The following GALNTL6 variants were observed in gnomAD, a reference collection of about 807,000 sequenced individuals.
The protein encoded by GALNTL6 is polypeptide N-acetylgalactosaminyltransferase-like 6.
In GALNTL6, 46 loss-of-function variants were observed where a neutral mutation model predicts 73.7. The ratio of observed to expected loss-of-function variants is 0.62; its 90% CI spans 0.49 to 0.80. The LOEUF is 0.80. Ranked by LOEUF, GALNTL6 falls within the 30% of genes least tolerant of loss-of-function variation. The pLI is 0.00. For synonymous variants in GALNTL6, 259 were observed against 263.7 expected (o/e 0.98, Z 0.17); for missense variants, 604 against 755.0 (o/e 0.80, Z 2.34).
chr4:172,397,128 A>T (rs1743877024), intron 5 of GALNTL6, among the ~76,000 whole-genome samples: 1 of 152,152 alleles, frequency 6.6e-6, no homozygotes. Flanking sequence ...GAGATAGTCT[A>T]TATGCTTGTG....
At chr4:172,010,390 G>A (rs1490823999) in intron 2 of GALNTL6, among the ~76,000 whole-genome samples, 1 of 152,064 alleles carries the variant, frequency 6.6e-6, no homozygotes, top group East Asian at 1.9e-4. Context: ...GAAAAACCAT[G>A]TTAGGTAATA....
At chr4:172,365,914 C>T (rs1177096623) in intron 5 of GALNTL6, among the ~76,000 whole-genome samples, 1 of 146,824 alleles carries the variant, frequency 6.8e-6, no homozygotes. Context: ...CAGACCCTGT[C>T]AAAAAAAAAA....
In GALNTL6 at chr4:172,689,614, G is replaced by C. The variant is rs543662298; in HGVS notation, c.554-119747G>C. Among the ~76,000 whole-genome samples the C allele has an allele frequency of 1.4e-3, 213 of 152,232 alleles. 1 individual carries two copies. The highest frequency in any genetic ancestry group is 4.9e-3 in the African/African-American group (204 of 41,542). ...TGCAATTCACATACTGCCAGCAAGGGACAAGATCTTCTAAGTTCTTAATGC... is the reference window on the plus strand; with the variant it reads ...TGCAATTCACATACTGCCAGCAAGGCACAAGATCTTCTAAGTTCTTAATGC... On this transcript the variant is annotated intron_variant, in intron 5 of 12. Transcript: ENST00000506823.
At chr4:172,914,079 G>A (rs1258307528) in intron 8 of GALNTL6, among the ~76,000 whole-genome samples, 1 of 152,168 alleles carries the variant, frequency 6.6e-6, no homozygotes, top group Non-Finnish European at 1.5e-5. Context: ...GGTTGGGGGG[G>A]TGGTGGCCAA....
chr4:172,875,670 G>T (rs1745156924), intron 7 of GALNTL6, among the ~76,000 whole-genome samples: 1 of 151,156 alleles, frequency 6.6e-6, no homozygotes, highest in African/African-American at 2.4e-5. Context: ...CTTATTGTAG[G>T]AATGACGAAG....
At chr4:172,298,988 A>C (rs929493053) in intron 3 of GALNTL6, among the ~76,000 whole-genome samples, 2 of 152,140 alleles carry the variant, frequency 1.3e-5, no homozygotes, top group African/African-American at 4.8e-5. Context: ...CTGTGAATCC[A>C]TCTGGTCCTG....
At chr4:172,634,177 C>T (rs1471377606) in intron 5 of GALNTL6, among the ~76,000 whole-genome samples, 1 of 152,160 alleles carries the variant, frequency 6.6e-6, no homozygotes, top group Non-Finnish European at 1.5e-5. Flanking sequence ...TAGGACATCA[C>T]TTATGAGGTA....
intron 10 of GALNTL6, among the ~76,000 whole-genome samples, chr4:172,980,104 C>T (rs1227516529): frequency 6.6e-6 from 1 of 152,186 alleles, no homozygotes; most frequent in Non-Finnish European, 1.5e-5. Context: ...GTATTGACTA[C>T]ATCTCCACTT....
chr4:172,473,222 TC>T (rs542167250), intron 5 of GALNTL6, among the ~76,000 whole-genome samples: 191 of 152,218 alleles, frequency 1.3e-3, no homozygotes, highest in African/African-American at 4.4e-3. Context: ...CCAATATTTC[TC>T]CCCTTCTCCT....
intron 8 of GALNTL6, among the ~76,000 whole-genome samples, chr4:172,894,989 A>G (rs1329865360): frequency 2.0e-5 from 3 of 149,334 alleles, no homozygotes; most frequent in Non-Finnish European, 4.4e-5. Context: ...CTTTTGTGTG[A>G]CATCAGTATA....
At chr4:171,953,755 T>A (rs989521785) in intron 2 of GALNTL6, among the ~76,000 whole-genome samples, 4 of 152,024 alleles carry the variant, frequency 2.6e-5, no homozygotes, top group Admixed American at 2.6e-4. Flanking sequence ...ATAATGAATA[T>A]CAAGAGTATA....
chr4:171,954,148 T>A (rs568395589), intron 2 of GALNTL6, among the ~76,000 whole-genome samples: 18 of 152,320 alleles, frequency 1.2e-4, no homozygotes, highest in Middle Eastern at 3.4e-3. Flanking sequence ...AGCCTTATTT[T>A]GTGAATGGCA....
chr4:171,989,766 T>C (rs527868257), intron 2 of GALNTL6, among the ~76,000 whole-genome samples: 2 of 152,204 alleles, frequency 1.3e-5, no homozygotes, highest in African/African-American at 2.4e-5. Context: ...TAATAAAATG[T>C]ATATTGAGAA....
rs542841832 is a variant in GALNTL6 at position 172,762,858 on chromosome 4, A to G, written c.554-46503A>G. Among the ~76,000 whole-genome samples, 16 of 151,982 alleles carry G rather than the reference A, an allele frequency of 1.1e-4. No homozygotes were observed. In the South Asian group the frequency reaches 3.3e-3, roughly 32 times the overall value. ...CTCCAACTATTTGGAGGACTCAAAG[A>G]TCAGAAAAACAAGTTTTCCCAGTAA... On this transcript the variant is annotated intron_variant, in intron 5 of 12. Transcript: ENST00000506823.
At chr4:173,020,815 G>A (rs1466984085) in intron 11 of GALNTL6, among the ~76,000 whole-genome samples, 1 of 152,242 alleles carries the variant, frequency 6.6e-6, no homozygotes, top group Non-Finnish European at 1.5e-5. Flanking sequence ...GCTCATGCCT[G>A]TAATCCCAGC....
rs572204143 is a variant in GALNTL6, at chr4:172,818,668, G to A, written c.923+4945G>A. ...GGTTGGAGTGCAGTGGGACAATCTC[G>A]GCTCACTGCAACCTCTGCCTCCTGG... On this transcript the variant is annotated intron_variant, in intron 7 of 12. Coordinates refer to ENST00000506823, the MANE Select transcript of GALNTL6 (RefSeq NM_001034845.3). Among the ~76,000 whole-genome samples, 26 of 152,128 alleles carry A rather than the reference G, an allele frequency of 1.7e-4. No individual in the cohort carries two copies. The South Asian group carries it at 4.8e-3, about 28-fold the overall frequency.
At chr4:171,895,681 A>G (rs1736891143) in intron 2 of GALNTL6, among the ~76,000 whole-genome samples, 1 of 152,208 alleles carries the variant, frequency 6.6e-6, no homozygotes, top group African/African-American at 2.4e-5. Context: ...ATGAATAAAG[A>G]GCTTATTCTC....
chr4:171,955,323 A>G (rs1739008372), intron 2 of GALNTL6, among the ~76,000 whole-genome samples: 3 of 152,000 alleles, frequency 2.0e-5, no homozygotes. Context: ...TATAATATAT[A>G]TACACCTTTT....
At chr4:172,791,785 T>C (rs1242321132) in intron 5 of GALNTL6, among the ~76,000 whole-genome samples, 1 of 152,134 alleles carries the variant, frequency 6.6e-6, no homozygotes, top group Non-Finnish European at 1.5e-5. Flanking sequence ...GTGTTCCTTG[T>C]TTAGGAAAAG....
Sources: gnomAD v4.1 joint callset for allele counts (sites outside exome capture counted in the v4.1 genomes callset) on GRCh38, gnomAD v4.1.1 for gene constraint, MANE v1.5 for transcripts, NCBI Gene and HGNC (gene_info 2026-07-23, HGNC 2026-07-21) for gene names.